The following UVRAG variants were observed in gnomAD, a reference collection of about 807,000 sequenced individuals.
UVRAG encodes the protein UV radiation resistance associated, also known as UV radiation resistance-associated gene protein.
In UVRAG, 19 loss-of-function variants were observed where a neutral mutation model predicts 78.0. The ratio of observed to expected loss-of-function variants is 0.24; its 90% confidence interval spans 0.17 to 0.36. UVRAG has a LOEUF of 0.36. Among genes scored for constraint, UVRAG ranks in the 10% least tolerant of loss-of-function variants. The pLI, the probability that UVRAG is intolerant of heterozygous loss-of-function variation, is 1.00. For synonymous variants in UVRAG, 323 were observed against 324.6 expected (o/e 1.00, Z 0.05); for missense variants, 740 against 853.8 (o/e 0.87, Z 1.66).
intron 12 of UVRAG, among the ~76,000 whole-genome samples, chr11:76,028,125 A>G (rs1219318284): frequency 6.6e-6 from 1 of 152,054 alleles, no homozygotes; most frequent in Admixed American, 6.6e-5. Context: ...CAAGCTTTTC[A>G]TTATTATTAT....
intron 13 of UVRAG, among the ~76,000 whole-genome samples, chr11:76,084,075 C>T (rs184381554): frequency 7.3e-4 from 111 of 152,336 alleles, no homozygotes; most frequent in Non-Finnish European, 1.4e-3. Flanking sequence ...TGCTTCATCT[C>T]TGAGGCACAT....
chr11:76,052,107 C>A (rs1244364338), intron 12 of UVRAG, among the ~76,000 whole-genome samples: 5 of 152,210 alleles, frequency 3.3e-5, no homozygotes, highest in Non-Finnish European at 5.9e-5. Flanking sequence ...ACCTACCCAT[C>A]TCATTTATTA....
At chr11:75,964,099 T>G (rs1019615237) in intron 7 of UVRAG, among the ~76,000 whole-genome samples, 2 of 152,226 alleles carry the variant, frequency 1.3e-5, no homozygotes, top group African/African-American at 4.8e-5. Flanking sequence ...GAAAGCCCTC[T>G]TGGTCATGGT....
intron 6 of UVRAG, among the ~76,000 whole-genome samples, chr11:75,917,293 T>C (rs1947876483): frequency 6.6e-6 from 1 of 152,234 alleles, no homozygotes; most frequent in South Asian, 2.1e-4. Context: ...TTGTTAATTC[T>C]AAACAGTCAT....
At chr11:76,050,121 T>C (rs1483192305) in intron 12 of UVRAG, among the ~76,000 whole-genome samples, 1 of 152,254 alleles carries the variant, frequency 6.6e-6, no homozygotes, top group African/African-American at 2.4e-5. Context: ...TTTGCTCTAA[T>C]AGTAGACGGC....
At chr11:76,052,038 C>T (rs1392134271) in intron 12 of UVRAG, among the ~76,000 whole-genome samples, 1 of 152,210 alleles carries the variant, frequency 6.6e-6, no homozygotes, top group Admixed American at 6.5e-5. Flanking sequence ...CATGTCTCCT[C>T]CTTCCACAGG....
chr11:76,094,492 C>A (rs1951755108), intron 13 of UVRAG, among the ~76,000 whole-genome samples: 1 of 152,022 alleles, frequency 6.6e-6, no homozygotes. Flanking sequence ...TGGTCCTGGA[C>A]TTTTTTTGGT....
intron 14 of UVRAG, among the ~76,000 whole-genome samples, chr11:76,119,934 A>G (rs1289737637): frequency 6.6e-6 from 1 of 152,136 alleles, no homozygotes; most frequent in Non-Finnish European, 1.5e-5. Context: ...GCCTCATCTG[A>G]TACCACTCCC....
At chr11:76,075,223 A>G (rs749452772) in intron 13 of UVRAG, among the ~76,000 whole-genome samples, 16 of 152,138 alleles carry the variant, frequency 1.1e-4, no homozygotes, top group Non-Finnish European at 2.1e-4. Flanking sequence ...AAATTTGCCA[A>G]TAATAATGGT....
chr11:75,862,084 TAATAATAA>T (rs1946432191), intron 3 of UVRAG, among the ~76,000 whole-genome samples: 1 of 152,088 alleles, frequency 6.6e-6, no homozygotes, highest in African/African-American at 2.4e-5. Context: ...TACAGTATAA[TAATAATAA>T]AATAAAAAAA....
At chr11:75,844,918 G>A (rs150072946) in intron 1 of UVRAG, among the ~76,000 whole-genome samples, 5 of 152,164 alleles carry the variant, frequency 3.3e-5, no homozygotes, top group African/African-American at 9.6e-5. Flanking sequence ...TGCCCTCCTT[G>A]GCCTCCCAAA....
intron 7 of UVRAG, among the ~76,000 whole-genome samples, chr11:75,977,500 G>T (rs532911109): frequency 6.6e-6 from 1 of 152,104 alleles, no homozygotes; most frequent in Non-Finnish European, 1.5e-5. Context: ...TATTGTGTGG[G>T]ACTCTAAGTC....
intron 13 of UVRAG, among the ~76,000 whole-genome samples, chr11:76,079,908 C>G (rs1951466734): frequency 1.3e-5 from 2 of 152,122 alleles, no homozygotes; most frequent in African/African-American, 4.8e-5. Flanking sequence ...GCTGCTATAA[C>G]AGAATATCAT....
chr11:75,905,564 T>G (rs147171922), intron 5 of UVRAG, among the ~76,000 whole-genome samples: 12 of 152,344 alleles, frequency 7.9e-5, no homozygotes, highest in African/African-American at 2.9e-4. Context: ...TTGTTCTGGC[T>G]TTTTTCACTT....
At chr11:76,091,175 A>T (rs999766312) in intron 13 of UVRAG, among the ~76,000 whole-genome samples, 2 of 152,214 alleles carry the variant, frequency 1.3e-5, no homozygotes, top group Non-Finnish European at 2.9e-5. Flanking sequence ...TAAGATTTTG[A>T]AATCATTGTT....
rs532423448 is a variant in UVRAG, at chr11:75,967,860, A to G, written c.699+6311A>G. Among the ~76,000 whole-genome samples, 4 of 152,342 alleles carry G rather than the reference A, an allele frequency of 2.6e-5. No individual in the cohort carries two copies. The South Asian group carries it at 6.2e-4, about 24-fold the overall frequency. On this transcript the variant is annotated intron_variant, in intron 7 of 14. Coordinates refer to ENST00000356136, the MANE Select transcript of UVRAG (RefSeq NM_003369.4). ...GAGAAAATGAGAGTGGAAAAGAGGC[A>G]TACAGCTTAGTAATATGCGAATATG...
At chr11:76,055,039 A>G (rs1184390990) in intron 12 of UVRAG, among the ~76,000 whole-genome samples, 2 of 152,096 alleles carry the variant, frequency 1.3e-5, no homozygotes, top group African/African-American at 2.4e-5. Context: ...CTTCAAAACT[A>G]GTTTTAAATT....
chr11:76,053,504 C>T (rs2134355547), intron 12 of UVRAG, among the ~76,000 whole-genome samples: 1 of 152,230 alleles, frequency 6.6e-6, no homozygotes, highest in East Asian at 1.9e-4. Context: ...TCTTTCAGTT[C>T]TTCCCACATA....
chr11:75,862,720 T>C (rs1946449540), intron 3 of UVRAG, among the ~76,000 whole-genome samples: 1 of 152,236 alleles, frequency 6.6e-6, no homozygotes, highest in African/African-American at 2.4e-5. Flanking sequence ...GTCATGCTTT[T>C]TCATGACCCT....
Sources: allele counts gnomAD v4.1 joint callset (sites outside exome capture counted in the v4.1 genomes callset), GRCh38; gene constraint gnomAD v4.1.1; transcripts MANE v1.5; gene names NCBI Gene and HGNC (gene_info 2026-07-23, HGNC 2026-07-21).